BCKDHB: variants seen among roughly 807,000 people sequenced by gnomAD.
The protein encoded by BCKDHB is branched chain keto acid dehydrogenase E1 subunit beta, also known as 2-oxoisovalerate dehydrogenase subunit beta, mitochondrial.
In BCKDHB, 41 loss-of-function variants were observed where a neutral mutation model predicts 48.5. The observed-to-expected ratio is 0.85, with a 90% CI of 0.66 to 1.10. BCKDHB has a LOEUF of 1.10. BCKDHB is among the 50% of genes least tolerant of loss of function. The pLI is 0.00. For synonymous variants in BCKDHB, 201 were observed against 174.8 expected (o/e 1.15, Z -1.18); for missense variants, 496 against 494.2 (o/e 1.00, Z -0.03).
chr6:80,406,236 T>A, the BCKDHB span, among the ~76,000 whole-genome samples: 2,597 of 152,314 alleles, frequency 0.017, 70 homozygotes, highest in African/African-American at 0.059. Flanking sequence ...TGATGGACAT[T>A]TGGGTTTGTT....
At chr6:80,262,371 C>T (rs1324592458) in intron 8 of BCKDHB, among the ~76,000 whole-genome samples, 2 of 152,254 alleles carry the variant, frequency 1.3e-5, no homozygotes, top group Admixed American at 6.5e-5. Context: ...CACACAAACA[C>T]ACACGCACAC....
At chr6:80,185,634 C>G (rs576874796) in intron 6 of BCKDHB, among the ~76,000 whole-genome samples, 2 of 152,108 alleles carry the variant, frequency 1.3e-5, no homozygotes, top group Non-Finnish European at 2.9e-5. Flanking sequence ...GATGTTCTCC[C>G]CTTCACCTGG....
rs925937084 is a variant in BCKDHB at position 80,298,581 on chromosome 6, G to A, written c.1038+25360G>A. ...GTAGAACAGATATCAAATCAGAAAG[G>A]ACTCATTCCCTAAGCCAGGCCACCA... On this transcript the variant is annotated intron_variant, in intron 9 of 9. Transcript: ENST00000320393. Among the ~76,000 whole-genome samples, 9 of 152,290 alleles carry A rather than the reference G, an allele frequency of 5.9e-5. No homozygotes were observed. The South Asian group carries it at 1.7e-3, about 28-fold the overall frequency.
the BCKDHB span, among the ~76,000 whole-genome samples, chr6:80,465,540 C>T: frequency 2.0e-5 from 3 of 152,164 alleles, no homozygotes; most frequent in East Asian, 1.9e-4. Flanking sequence ...CATTTCTCTT[C>T]ATGGAGACAT....
At chr6:80,432,932 T>G in the BCKDHB span, among the ~76,000 whole-genome samples, 1 of 152,198 alleles carries the variant, frequency 6.6e-6, no homozygotes, top group South Asian at 2.1e-4. Context: ...GCTGTAGGTC[T>G]GCTGGAGTTT....
chr6:80,320,475 C>T (rs373334127), intron 9 of BCKDHB, among the ~76,000 whole-genome samples: 41 of 152,112 alleles, frequency 2.7e-4, no homozygotes, highest in East Asian at 2.3e-3. Flanking sequence ...TCTATCTTTC[C>T]GAGTTTGCAA....
At chr6:80,107,078 C>T (rs941423489) in intron 1 of BCKDHB, among the ~76,000 whole-genome samples, 189 bp downstream of exon 1, 4 of 151,786 alleles carry the variant, frequency 2.6e-5, no homozygotes, top group South Asian at 4.1e-4. Flanking sequence ...TGTGACTGTT[C>T]AGCCCTCGAG....
At chr6:80,463,765 C>A in the BCKDHB span, among the ~76,000 whole-genome samples, 1 of 152,118 alleles carries the variant, frequency 6.6e-6, no homozygotes, top group African/African-American at 2.4e-5. Flanking sequence ...CACATATTGT[C>A]TCATTTAATT....
chr6:80,464,951 A>G, the BCKDHB span, among the ~76,000 whole-genome samples: 71 of 152,340 alleles, frequency 4.7e-4, no homozygotes, highest in Middle Eastern at 3.4e-3. Context: ...AGGTGCCTAC[A>G]CTCAGTCATA....
intron 9 of BCKDHB, among the ~76,000 whole-genome samples, chr6:80,332,446 A>C (rs1008643788): frequency 6.6e-6 from 1 of 152,196 alleles, no homozygotes; most frequent in Admixed American, 6.5e-5. Flanking sequence ...AGAGTTCTAC[A>C]AAGTGAATTA....
intron 8 of BCKDHB, among the ~76,000 whole-genome samples, chr6:80,259,436 A>T (rs1456646608): frequency 2.0e-5 from 3 of 152,214 alleles, no homozygotes; most frequent in Non-Finnish European, 4.4e-5. Context: ...TTCCACCCTC[A>T]TGGAGGTTTC....
intron 8 of BCKDHB, among the ~76,000 whole-genome samples, chr6:80,261,669 T>C (rs1267442450): frequency 6.6e-6 from 1 of 152,118 alleles, no homozygotes; most frequent in African/African-American, 2.4e-5. Context: ...TCACGTTTCA[T>C]CTGTATCCTT....
intron 9 of BCKDHB, among the ~76,000 whole-genome samples, chr6:80,332,284 C>T (rs887110221): frequency 2.6e-5 from 4 of 152,144 alleles, no homozygotes; most frequent in African/African-American, 9.7e-5. Context: ...ACAGTGAGAT[C>T]CTATACTGCA....
chr6:80,294,562 GGAA>G (rs2127987258), intron 9 of BCKDHB, among the ~76,000 whole-genome samples: 1 of 152,292 alleles, frequency 6.6e-6, no homozygotes, highest in South Asian at 2.1e-4. Flanking sequence ...TTCCTAGCAA[GGAA>G]TATTTATATC....
chr6:80,353,306 T>C, the BCKDHB span, among the ~76,000 whole-genome samples: 1 of 152,220 alleles, frequency 6.6e-6, no homozygotes, highest in East Asian at 1.9e-4. Context: ...TATCCAATCA[T>C]TCGTTGGTTG....
At chr6:80,305,431 T>TA (rs140039415) in intron 9 of BCKDHB, among the ~76,000 whole-genome samples, 3 of 151,826 alleles carry the variant, frequency 2.0e-5, no homozygotes, top group African/African-American at 4.8e-5. Context: ...ATGACTTAAT[T>TA]AAAAAAAATT....
the BCKDHB span, among the ~76,000 whole-genome samples, chr6:80,430,551 G>A: frequency 3.3e-5 from 5 of 151,880 alleles, no homozygotes; most frequent in African/African-American, 9.7e-5. Context: ...ACTTGTTATT[G>A]GTCTATTCAG....
In BCKDHB at chr6:80,344,288, AG is replaced by A; in HGVS notation, c.*485del. ...CCAAAGTGCTGGGATTACAGGCATG[AG>A]CCACTGCACCTGGCTATATTTACAT... is the stretch of plus-strand genomic sequence containing the variant. On this transcript the variant is annotated 3_prime_UTR_variant, in exon 10 of 10. Coordinates refer to ENST00000320393, the MANE Select transcript of BCKDHB (RefSeq NM_183050.4). 20 of 203,582 alleles carry A rather than the reference AG, an allele frequency of 9.8e-5. No individual in the cohort carries two copies. The highest frequency in any genetic ancestry group is 2.7e-4 in the Admixed American group (5 of 18,790). The allele number at this position is 203,582 out of a possible 1,614,324, so 12.6% of individuals were successfully genotyped here.
chr6:80,132,797 TTC>T (rs1448359094), intron 3 of BCKDHB, among the ~76,000 whole-genome samples: 1 of 152,160 alleles, frequency 6.6e-6, no homozygotes, highest in African/African-American at 2.4e-5. Flanking sequence ...GTAAGTGAGC[TTC>T]TGTTTTCAGA....
Sources: allele counts gnomAD v4.1 joint callset (sites outside exome capture counted in the v4.1 genomes callset), GRCh38; gene constraint gnomAD v4.1.1; transcripts MANE v1.5; gene names NCBI Gene and HGNC (gene_info 2026-07-23, HGNC 2026-07-21).